FHIP1A: variants seen among roughly 807,000 people sequenced by gnomAD.
FHIP1A encodes the protein FHF complex subunit HOOK interacting protein 1A, also known as FHF complex subunit HOOK-interacting protein 1A.
Under a neutral mutation model 88.6 loss-of-function variants are expected in FHIP1A, and 61 were observed. The observed-to-expected ratio is 0.69, with a 90% confidence interval of 0.56 to 0.85. The LOEUF (loss-of-function observed/expected upper bound fraction) is 0.85. Ranked by LOEUF, FHIP1A falls within the 40% of genes least tolerant of loss-of-function variation. The probability of loss-of-function intolerance (pLI) is 0.00; values close to 1 mark genes in which losing one functional copy is unlikely to be tolerated. For synonymous variants in FHIP1A, 478 were observed against 496.0 expected (o/e 0.96, Z 0.48); for missense variants, 1,154 against 1,273.5 (o/e 0.91, Z 1.43).
At chr4:151,619,765 A>G (rs1236367590) in intron 7 of FHIP1A, among the ~76,000 whole-genome samples, 1 of 152,214 alleles carries the variant, frequency 6.6e-6, no homozygotes, top group African/African-American at 2.4e-5. Context: ...ATAGCAATTT[A>G]CTTACAAAGC....
intron 7 of FHIP1A, among the ~76,000 whole-genome samples, chr4:151,589,785 G>A (rs1044029952): frequency 2.0e-5 from 3 of 152,124 alleles, no homozygotes; most frequent in African/African-American, 7.2e-5. Flanking sequence ...GAGGTTTCTG[G>A]TTTAGAGCAG....
At chr4:151,478,543 C>A (rs1729788028) in intron 2 of FHIP1A, among the ~76,000 whole-genome samples, 1 of 152,026 alleles carries the variant, frequency 6.6e-6, no homozygotes, top group African/African-American at 2.4e-5. Flanking sequence ...GGGTTTTTCA[C>A]CAAGAATGCC....
rs143099280 is a variant in FHIP1A, at chr4:151,463,651, A to G, written c.-248+8843A>G. Among the ~76,000 whole-genome samples, 402 of 152,298 alleles carry G rather than the reference A, an allele frequency of 2.6e-3. 2 individuals are homozygous for G. The highest frequency in any genetic ancestry group is 9.4e-3 in the African/African-American group (390 of 41,558). On this transcript the variant is annotated intron_variant, in intron 2 of 13. Coordinates refer to ENST00000435205, the MANE Select transcript of FHIP1A (RefSeq NM_001109977.3). ...TCTACAGTAATGATCCTAGTATTTT[A>G]TGCACAACTTGCCCAGTAGCTTCCA... is the stretch of plus-strand genomic sequence containing the variant.
At chr4:151,563,767 A>C (rs1334256992) in intron 3 of FHIP1A, among the ~76,000 whole-genome samples, 1 of 151,934 alleles carries the variant, frequency 6.6e-6, no homozygotes, top group Non-Finnish European at 1.5e-5. Flanking sequence ...AAACGGGAGG[A>C]TTGCTTGAGC....
chr4:151,626,695 C>G (rs1735964193), intron 7 of FHIP1A, among the ~76,000 whole-genome samples: 1 of 152,192 alleles, frequency 6.6e-6, no homozygotes, highest in African/African-American at 2.4e-5. Context: ...AAATTCGTAG[C>G]TACCTGCAAT....
At chr4:151,514,191 T>A (rs577896921) in intron 3 of FHIP1A, among the ~76,000 whole-genome samples, 1 of 152,308 alleles carries the variant, frequency 6.6e-6, no homozygotes, top group Non-Finnish European at 1.5e-5. Context: ...AACAACTTGC[T>A]CCTGAATGAC....
chr4:151,470,460 G>A (rs1284448361), intron 2 of FHIP1A, among the ~76,000 whole-genome samples: 3 of 152,180 alleles, frequency 2.0e-5, no homozygotes, highest in Non-Finnish European at 4.4e-5. Flanking sequence ...CTGAGTAGAT[G>A]TTGGTCGTTT....
chr4:151,570,945 T>C (rs1189625537), intron 4 of FHIP1A, among the ~76,000 whole-genome samples: 10 of 152,288 alleles, frequency 6.6e-5, no homozygotes, highest in East Asian at 5.8e-4. Context: ...ATTAGAACAG[T>C]TTATTCTCTA....
At chr4:151,499,709 C>A (rs141757223) in intron 3 of FHIP1A, among the ~76,000 whole-genome samples, 5 of 152,130 alleles carry the variant, frequency 3.3e-5, no homozygotes, top group African/African-American at 4.8e-5. Context: ...AGGAAACTTA[C>A]AATCGTCGTG....
In FHIP1A at chr4:151,630,509, G is replaced by A. The variant is rs192503148; in HGVS notation, c.1146+640G>A. Reference sequence around the variant, plus strand: ...GAAGAGGGAATAGACTTATATAGGAGTAATATTTCTATATTTCACTAGAGC... The same window carrying A: ...GAAGAGGGAATAGACTTATATAGGAATAATATTTCTATATTTCACTAGAGC... On this transcript the variant is annotated intron_variant, in intron 8 of 13. Coordinates refer to ENST00000435205, the MANE Select transcript of FHIP1A (RefSeq NM_001109977.3). Among the ~76,000 whole-genome samples the A allele has an allele frequency of 3.1e-3, 477 of 152,188 alleles. 2 individuals carry two copies. Among genetic ancestry groups the A allele is most frequent in the African/African-American group, 0.01 (435 of 41,528 alleles).
intron 1 of FHIP1A, among the ~76,000 whole-genome samples, chr4:151,423,085 A>G (rs1462082196): frequency 1.3e-5 from 2 of 152,212 alleles, no homozygotes; most frequent in Admixed American, 6.5e-5. Context: ...CTTGTCACCC[A>G]TTGACAGGTG....
intron 7 of FHIP1A, among the ~76,000 whole-genome samples, chr4:151,618,309 T>A (rs942417427): frequency 6.6e-6 from 1 of 152,224 alleles, no homozygotes; most frequent in African/African-American, 2.4e-5. Flanking sequence ...AATCAAAGAA[T>A]GCTTTGGGAC....
intron 9 of FHIP1A, among the ~76,000 whole-genome samples, chr4:151,640,680 C>T (rs1252077586): frequency 6.6e-6 from 1 of 152,140 alleles, no homozygotes; most frequent in African/African-American, 2.4e-5. Flanking sequence ...CTGTCTTTTT[C>T]AGTGTACTTG....
chr4:151,511,742 C>G (rs185753386), intron 3 of FHIP1A, among the ~76,000 whole-genome samples: 1 of 152,208 alleles, frequency 6.6e-6, no homozygotes, highest in Admixed American at 6.5e-5. Context: ...GAGGGGCGCC[C>G]GCCATTGCCC....
chr4:151,548,315 A>C (rs187100084), intron 3 of FHIP1A, among the ~76,000 whole-genome samples: 36 of 152,314 alleles, frequency 2.4e-4, no homozygotes, highest in Middle Eastern at 3.4e-3. Context: ...CCATGGAAAC[A>C]GTTTTATCAG....
At chr4:151,550,809 G>A (rs1236670944) in intron 3 of FHIP1A, among the ~76,000 whole-genome samples, 1 of 152,186 alleles carries the variant, frequency 6.6e-6, no homozygotes, top group Non-Finnish European at 1.5e-5. Flanking sequence ...GTTAGGGTAT[G>A]TTCTCTGAAT....
chr4:151,614,023 T>C (rs1274851152), intron 7 of FHIP1A, among the ~76,000 whole-genome samples: 3 of 151,572 alleles, frequency 2.0e-5, no homozygotes, highest in African/African-American at 7.3e-5. Context: ...CTTAGCTGGG[T>C]GTGGTGGCGC....
Position 151,577,533 on chromosome 4 carries a change from C to A in FHIP1A, c.189C>A (p.Ala63=). The A allele has an allele frequency of 6.4e-7, 1 of 1,551,708 alleles. No individual in the cohort carries two copies. The highest frequency in any genetic ancestry group is 8.7e-7 in the Non-Finnish European group (1 of 1,146,976). ...CTATCCCTCCAGATGAGGCCAGTGC[C>A]GTGCAGAATTACGTAGAACACATGC... The part of the protein sequence containing the change: ...YGSIPPDEAS[A]VQNYVEHMLF... Residue 63 remains alanine (A), a synonymous_variant, in exon 5 of 14, where the codon GCC becomes GCA. Transcript: ENST00000435205.
At chr4:151,596,517 G>A (rs1734653961) in intron 7 of FHIP1A, among the ~76,000 whole-genome samples, 6 of 152,004 alleles carry the variant, frequency 3.9e-5, no homozygotes, top group Admixed American at 2.0e-4. Flanking sequence ...TGCTCTTCTC[G>A]AGATGTATCT....
Sources: allele counts gnomAD v4.1 joint callset (sites outside exome capture counted in the v4.1 genomes callset), GRCh38; gene constraint gnomAD v4.1.1; transcripts MANE v1.5; gene names NCBI Gene and HGNC (gene_info 2026-07-23, HGNC 2026-07-21).